Variants in WWOX observed in about 807,000 individuals in gnomAD.
WWOX encodes the protein WW domain-containing oxidoreductase.
Under a neutral mutation model 46.2 loss-of-function variants are expected in WWOX, and 69 were observed. The observed-to-expected ratio is 1.49, with a 90% CI of 1.23 to 1.82. WWOX has a LOEUF of 1.82. Ranked by LOEUF, WWOX falls within the 40% of genes most tolerant of loss-of-function variation. The pLI, the probability that WWOX is intolerant of heterozygous loss-of-function variation, is 0.00. For synonymous variants in WWOX, 359 were observed against 202.6 expected, an observed-to-expected ratio of 1.77 and a Z score of -6.56; for missense variants, 919 against 542.6, an observed-to-expected ratio of 1.69 and a Z score of -6.89.
At chr16:78,988,067 G>A (rs888624103) in intron 8 of WWOX, among the ~76,000 whole-genome samples, 1 of 152,032 alleles carries the variant, frequency 6.6e-6, no homozygotes, top group Non-Finnish European at 1.5e-5. Context: ...TTCTGGTCTG[G>A]TGCTGTGGGT....
At chr16:78,438,008 G>C (rs1339948410) in intron 8 of WWOX, among the ~76,000 whole-genome samples, 1 of 152,092 alleles carries the variant, frequency 6.6e-6, no homozygotes, top group South Asian at 2.1e-4. Context: ...CACAAAACCA[G>C]GTGTTGTATC....
intron 8 of WWOX, among the ~76,000 whole-genome samples, chr16:78,820,760 C>T (rs895866683): frequency 1.6e-4 from 25 of 152,030 alleles, no homozygotes; most frequent in Non-Finnish European, 1.5e-5. Flanking sequence ...TTTTGGTGGC[C>T]GGAAGTCCAA....
intron 5 of WWOX, among the ~76,000 whole-genome samples, chr16:78,250,669 A>G (rs1158516379): frequency 6.6e-6 from 1 of 152,130 alleles, no homozygotes; most frequent in Non-Finnish European, 1.5e-5. Context: ...CATATAGGGG[A>G]GAGAGTCCAG....
At chr16:78,241,952 A>G (rs1331859075) in intron 5 of WWOX, among the ~76,000 whole-genome samples, 1 of 152,176 alleles carries the variant, frequency 6.6e-6, no homozygotes, top group Non-Finnish European at 1.5e-5. Context: ...TGATAAAGCA[A>G]AAGCAAATGT....
At chr16:79,140,329 C>T (rs1475284721) in intron 8 of WWOX, among the ~76,000 whole-genome samples, 2 of 152,180 alleles carry the variant, frequency 1.3e-5, no homozygotes, top group African/African-American at 2.4e-5. Flanking sequence ...CAAGTGACAT[C>T]TCCCTTCATT....
intron 8 of WWOX, among the ~76,000 whole-genome samples, chr16:78,471,165 G>A (rs1455884729): frequency 2.0e-5 from 3 of 152,154 alleles, no homozygotes; most frequent in Admixed American, 6.5e-5. Flanking sequence ...AGGTCCTCAC[G>A]TTGCAGAACA....
At chr16:78,646,294 G>A (rs774184407) in intron 8 of WWOX, among the ~76,000 whole-genome samples, 1 of 152,150 alleles carries the variant, frequency 6.6e-6, no homozygotes, top group Non-Finnish European at 1.5e-5. Context: ...GATTATAGGT[G>A]TGAGCCAGTA....
chr16:78,968,676 G>C (rs747627348), intron 8 of WWOX, among the ~76,000 whole-genome samples: 2 of 152,200 alleles, frequency 1.3e-5, no homozygotes, highest in Non-Finnish European at 2.9e-5. Context: ...TATCGGGAGA[G>C]GCAGAATGTG....
At chr16:78,704,480 C>G (rs979075041) in intron 8 of WWOX, among the ~76,000 whole-genome samples, 14 of 152,096 alleles carry the variant, frequency 9.2e-5, no homozygotes, top group Admixed American at 8.5e-4. Context: ...TCTTCAGTAA[C>G]TCATTAGGCA....
intron 8 of WWOX, among the ~76,000 whole-genome samples, chr16:78,950,693 G>C (rs1255001664): frequency 1.3e-5 from 2 of 152,144 alleles, no homozygotes; most frequent in Non-Finnish European, 2.9e-5. Context: ...CTTTCTGCAA[G>C]CTTCTAAGTA....
chr16:79,039,593 C>A (rs1054574193), intron 8 of WWOX, among the ~76,000 whole-genome samples: 1 of 152,360 alleles, frequency 6.6e-6, no homozygotes, highest in South Asian at 2.1e-4. Context: ...GATGCCAGCA[C>A]TGGCGAGGGT....
intron 8 of WWOX, among the ~76,000 whole-genome samples, chr16:78,973,879 A>G (rs551362191): frequency 6.6e-6 from 1 of 152,234 alleles, no homozygotes; most frequent in South Asian, 2.1e-4. Context: ...TCTATCTCCA[A>G]CTAGGGAAAA....
rs1490972011 is a variant in WWOX at position 78,707,198 on chromosome 16, C to G, written c.1056+274446C>G. Among the ~76,000 whole-genome samples the G allele has an allele frequency of 2.6e-5, 4 of 152,126 alleles. No homozygotes were observed. In the East Asian group the frequency reaches 7.7e-4, roughly 29 times the overall value. On this transcript the variant is annotated intron_variant, in intron 8 of 8. Transcript: ENST00000566780. ...TATTTTTCTACCTTCTTTTACCACC[C>G]CTTACTCCCATCAGAGCACCATCAG...
chr16:79,105,665 T>TG (rs2049294039), intron 8 of WWOX, among the ~76,000 whole-genome samples: 1 of 151,800 alleles, frequency 6.6e-6, no homozygotes, highest in African/African-American at 2.4e-5. Context: ...TTTTTGTTTT[T>TG]TTTTTTTTTG....
At chr16:78,928,392 C>T (rs967873743) in intron 8 of WWOX, among the ~76,000 whole-genome samples, 4 of 151,696 alleles carry the variant, frequency 2.6e-5, no homozygotes, top group South Asian at 4.2e-4. Flanking sequence ...TTAGTAGAGA[C>T]GGGGTTTCAC....
intron 8 of WWOX, among the ~76,000 whole-genome samples, chr16:78,625,542 A>G (rs529771784): frequency 6.6e-6 from 1 of 152,082 alleles, no homozygotes; most frequent in Non-Finnish European, 1.5e-5. Context: ...CATGTGTGTA[A>G]CAGCCAGTTT....
chr16:78,993,921 G>C (rs1239778030), intron 8 of WWOX, among the ~76,000 whole-genome samples: 2 of 152,130 alleles, frequency 1.3e-5, no homozygotes, highest in African/African-American at 2.4e-5. Context: ...CAGTGTATGT[G>C]ACCGCTTCCC....
intron 8 of WWOX, among the ~76,000 whole-genome samples, chr16:78,892,488 G>C (rs1365253666): frequency 6.6e-6 from 1 of 152,126 alleles, no homozygotes; most frequent in African/African-American, 2.4e-5. Flanking sequence ...GTCATGGACA[G>C]GTCACCCCCG....
intron 6 of WWOX, among the ~76,000 whole-genome samples, chr16:78,393,796 T>A (rs1035436837): frequency 6.6e-6 from 1 of 152,186 alleles, no homozygotes; most frequent in Non-Finnish European, 1.5e-5. Context: ...AAAGAAATTA[T>A]ACTTAAGCTT....
Sources: gnomAD v4.1 joint callset for allele counts (sites outside exome capture counted in the v4.1 genomes callset) on GRCh38, gnomAD v4.1.1 for gene constraint, MANE v1.5 for transcripts, NCBI Gene and HGNC (gene_info 2026-07-23, HGNC 2026-07-21) for gene names.